CD4: variants seen among roughly 807,000 people sequenced by gnomAD.
CD4 encodes the protein CD4 molecule.
A neutral mutation model predicts 50.5 loss-of-function variants in CD4; 25 were observed. The ratio of observed to expected loss-of-function variants is 0.49; its 90% CI spans 0.36 to 0.69. The LOEUF is 0.69. CD4 is among the 30% of genes least tolerant of loss of function. The probability of loss-of-function intolerance (pLI) is 0.00; values close to 1 mark genes in which losing one functional copy is unlikely to be tolerated. For missense variants in CD4, 456 were observed against 548.5 expected (o/e 0.83, Z 1.68); for synonymous variants, 207 against 221.9 (o/e 0.93, Z 0.60).
intron 1 of CD4, among the ~76,000 whole-genome samples, chr12:6,798,719 C>G (rs1323847591): frequency 6.6e-6 from 1 of 152,234 alleles, no homozygotes; most frequent in African/African-American, 2.4e-5. Context: ...TTGGGAACGT[C>G]ACCTTAGAAC....
Position 6,816,526 on chromosome 12 carries a change from G to A in CD4, c.955+123G>A. The A allele has an allele frequency of 1.3e-6, 1 of 787,448 alleles. No homozygotes were observed. The highest frequency in any genetic ancestry group is 2.7e-5 in the East Asian group (1 of 37,114). The allele number at this position is 787,448 out of a possible 1,614,324, so 48.8% of individuals were successfully genotyped here. ...CCTAGGCCCTGGTCACCTGGATGAAGTGAGGGAGGGCCCTCTGGGTTTGGG... is the reference window on the plus strand; with the variant it reads ...CCTAGGCCCTGGTCACCTGGATGAAATGAGGGAGGGCCCTCTGGGTTTGGG... On this transcript the variant is annotated intron_variant, in intron 6 of 9. Coordinates refer to ENST00000011653, the MANE Select transcript of CD4 (RefSeq NM_000616.5). This position sits in a 1 kb window ranked among gnomAD's most constrained non-coding sequence, Gnocchi z 4.9.
In CD4 at chr12:6,805,828, G is replaced by A. The variant is rs782228958; in HGVS notation, c.214+5357G>A. Among the ~76,000 whole-genome samples, 20 of 152,090 alleles carry A rather than the reference G, an allele frequency of 1.3e-4. No individual in the cohort carries two copies. The East Asian group carries it at 3.9e-3, about 29-fold the overall frequency. ...GTAGTGGCTTACACCTGTAATCCTA[G>A]CACTTTGGGAGGCTGAGGTGGGAAG... On this transcript the variant is annotated intron_variant, in intron 3 of 9. Transcript: ENST00000011653.
intron 5 of CD4, 176 bp from the exon 6 acceptor site, chr12:6,815,880 A>G: frequency 6.6e-7 from 1 of 1,520,396 alleles, no homozygotes; most frequent in South Asian, 1.2e-5. Context: ...GCTGGGTGGA[A>G]GAAGGGAGAG....
chr12:6,812,771 T>TTGTGTGTGTGTGTGTG (rs782347075), intron 3 of CD4, among the ~76,000 whole-genome samples: 1 of 57,560 alleles, frequency 1.7e-5, no homozygotes, highest in Non-Finnish European at 4.4e-5. Flanking sequence ...AAGGTTATTT[T>TTGTGTGTGTGTGTGTG]TGTGTGTGTG....
At chr12:6,813,080 T>A (rs1455337198) in intron 3 of CD4, among the ~76,000 whole-genome samples, 1 of 151,778 alleles carries the variant, frequency 6.6e-6, no homozygotes, top group African/African-American at 2.4e-5. Context: ...TTAATTTTTT[T>A]TCTTTTTTGA....
chr12:6,818,719 T>C lies in CD4; in HGVS notation c.1279-128T>C. 1 of 1,192,320 alleles carries C rather than the reference T, an allele frequency of 8.4e-7. No individual in the cohort carries two copies. Among genetic ancestry groups the C allele is most frequent in the Non-Finnish European group, 1.2e-6 (1 of 806,118 alleles). 73.9% of individuals were successfully genotyped at this position (1,192,320 alleles called of 1,614,324 possible). On this transcript the variant is annotated intron_variant, in intron 8 of 9. Coordinates refer to ENST00000011653, the MANE Select transcript of CD4 (RefSeq NM_000616.5). The surrounding 1 kb of genome is among the most constrained non-coding windows in gnomAD (Gnocchi z 5.0). The stretch of plus-strand genomic sequence containing the variant: ...AGACAGGAAGGAGCAGAGAGTTAAT[T>C]CCAGGATAGATGGCCTGGGCCATGT...
At chr12:6,817,373 G>T (rs200588692) in intron 7 of CD4, 43 bp downstream of exon 7, 25 of 1,518,634 alleles carry the variant, frequency 1.6e-5, no homozygotes, top group Non-Finnish European at 2.1e-5. Flanking sequence ...TGGGCTGCGG[G>T]ACCTTCCTGT....
chr12:6,809,485 G>A (rs1464064829), intron 3 of CD4, among the ~76,000 whole-genome samples: 1 of 150,408 alleles, frequency 6.6e-6, no homozygotes. Flanking sequence ...GACAGAGTGA[G>A]ACCCTGTCTC....
At chr12:6,809,784 C>A (rs1420326842) in intron 3 of CD4, among the ~76,000 whole-genome samples, 1 of 152,192 alleles carries the variant, frequency 6.6e-6, no homozygotes, top group East Asian at 1.9e-4. Context: ...GAAACCTCTG[C>A]ACCCAGGAGG....
At chr12:6,806,890 G>A (rs986158159) in intron 3 of CD4, among the ~76,000 whole-genome samples, 3 of 152,150 alleles carry the variant, frequency 2.0e-5, no homozygotes, top group South Asian at 4.1e-4. Flanking sequence ...ACATGCGGCC[G>A]GGCGCGGTAG....
chr12:6,792,485 T>C lies in CD4; in HGVS notation c.-68+2823T>C, dbSNP rs1942190134. 6.6e-6 allele frequency among the ~76,000 whole-genome samples: 1 copy of C among 152,232 alleles called. No homozygotes were observed. The highest frequency in any genetic ancestry group is 1.9e-4 in the East Asian group (1 of 5,206). ...GCTTTGTGTGTGATTGTGGATTGTG[T>C]GTGCATAGCTGTTGCTTTAACAAGC... is the stretch of plus-strand genomic sequence containing the variant. On this transcript the variant is annotated intron_variant, in intron 1 of 9. Coordinates refer to ENST00000011653, the MANE Select transcript of CD4 (RefSeq NM_000616.5). The surrounding 1 kb of genome is among the most constrained non-coding windows in gnomAD (Gnocchi z 4.1).
At chr12:6,795,624 C>T (rs61916275) in intron 1 of CD4, among the ~76,000 whole-genome samples, 31,186 of 152,094 alleles carry the variant, frequency 0.21, 4,215 homozygotes, top group Middle Eastern at 0.32. Flanking sequence ...AGGAAGAGTC[C>T]TGAAGAAGTG....
In CD4 at chr12:6,817,224, G is replaced by C. The variant is rs1555118074; in HGVS notation, c.1050G>C (p.Lys350Asn). Residue 350 changes from lysine (K) to asparagine (N), a missense_variant, in exon 7 of 10, where the codon AAG (lysine) becomes AAC (asparagine). Coordinates refer to ENST00000011653, the MANE Select transcript of CD4 (RefSeq NM_000616.5). ...TGAAACTGGAGAACAAGGAGGCAAA[G>C]GTCTCGAAGCGGGAGAAGGCGGTGT... ...LSLKLENKEA[K>N]VSKREKAVWV... 6.2e-7 allele frequency: 1 copy of C among 1,613,726 alleles called. No homozygotes were observed. Among genetic ancestry groups the C allele is most frequent in the South Asian group, 1.1e-5 (1 of 90,972 alleles).
chr12:6,804,089 C>T (rs1007891370), intron 3 of CD4, among the ~76,000 whole-genome samples: 21 of 150,108 alleles, frequency 1.4e-4, no homozygotes, highest in Admixed American at 2.7e-4. Context: ...CCAGCCTAGG[C>T]GACAGAGCAA....
At chr12:6,800,262 G>A (rs1555115016) in intron 2 of CD4, 45 bp from the exon 3 acceptor site, 2 of 1,612,384 alleles carry the variant, frequency 1.2e-6, no homozygotes, top group Non-Finnish European at 8.5e-7. Context: ...GGGTAGAGGG[G>A]GACAGCGGCG....
chr12:6,806,963 C>T (rs1942781014), intron 3 of CD4, among the ~76,000 whole-genome samples: 1 of 152,004 alleles, frequency 6.6e-6, no homozygotes, highest in Non-Finnish European at 1.5e-5. Flanking sequence ...GTCAGGAGAT[C>T]GAGACCATCC....
chr12:6,818,345 G>A lies in CD4; in HGVS notation c.1157-76G>A, dbSNP rs1943159975. 3 of 1,573,886 alleles carry A rather than the reference G, an allele frequency of 1.9e-6. No homozygotes were observed. The Admixed American group carries it at 5.0e-5, about 26-fold the overall frequency. ...GGGTCAAACCAGAGACTGGCCAGGAGGGATTGCAGGGCAGTCCTCAGTCCC... is the reference window on the plus strand; with the variant it reads ...GGGTCAAACCAGAGACTGGCCAGGAAGGATTGCAGGGCAGTCCTCAGTCCC... On this transcript the variant is annotated intron_variant, in intron 7 of 9. Transcript: ENST00000011653. The surrounding 1 kb of genome is among the most constrained non-coding windows in gnomAD (Gnocchi z 5.0).
chr12:6,817,988 G>A (rs782207817), intron 7 of CD4, among the ~76,000 whole-genome samples: 180 of 150,070 alleles, frequency 1.2e-3, no homozygotes, highest in South Asian at 5.1e-3. Context: ...GCACACACGC[G>A]CGCGCACATG....
intron 7 of CD4, among the ~76,000 whole-genome samples, chr12:6,817,705 TACACTCTC>T (rs1943118755): frequency 6.9e-6 from 1 of 144,744 alleles, no homozygotes; most frequent in Non-Finnish European, 1.5e-5. Context: ...CACACTCCCA[TACACTCTC>T]ACACACGCAC....
Sources: allele counts gnomAD v4.1 joint callset (sites outside exome capture counted in the v4.1 genomes callset), GRCh38; gene constraint gnomAD v4.1.1; non-coding constraint Gnocchi (gnomAD v3.1); transcripts MANE v1.5; gene names NCBI Gene and HGNC (gene_info 2026-07-23, HGNC 2026-07-21).